Variants in VPS35 observed in about 807,000 individuals in gnomAD.
VPS35 encodes the protein VPS35 retromer complex component, also known as vacuolar protein sorting-associated protein 35.
Under a neutral mutation model 98.1 loss-of-function variants are expected in VPS35, and 21 were observed. The ratio of observed to expected loss-of-function variants is 0.21; its 90% CI spans 0.15 to 0.31. The LOEUF (loss-of-function observed/expected upper bound fraction) is 0.31. VPS35 is among the 10% of genes least tolerant of loss of function. The pLI is 1.00. For synonymous variants in VPS35, 268 were observed against 318.2 expected, an observed-to-expected ratio of 0.84 and a Z score of 1.68; for missense variants, 554 against 950.8, an observed-to-expected ratio of 0.58 and a Z score of 5.49.
In VPS35 at chr16:46,668,917, A is replaced by G; in HGVS notation, c.1647+13T>C. The G allele has an allele frequency of 6.2e-7, 1 of 1,614,048 alleles. No homozygotes were observed. Reference sequence around the variant, plus strand: ...AGGAAAAAAAGTACCTAAATACTTAAAAGTAAACTCACCACTTTAGAATTC... The same window carrying G: ...AGGAAAAAAAGTACCTAAATACTTAGAAGTAAACTCACCACTTTAGAATTC... On this transcript the variant is annotated intron_variant, in intron 13 of 16. Coordinates refer to ENST00000299138, the MANE Select transcript of VPS35 (RefSeq NM_018206.6).
intron 3 of VPS35, chr16:46,681,734 A>C: frequency 1.8e-6 from 1 of 563,314 alleles, no homozygotes; most frequent in Non-Finnish European, 3.2e-6. Flanking sequence ...CAGACTGCTA[A>C]TGGGTTTTGA....
At chr16:46,686,719 C>G (rs1168570414) in intron 1 of VPS35, among the ~76,000 whole-genome samples, 1 of 152,170 alleles carries the variant, frequency 6.6e-6, no homozygotes, top group Non-Finnish European at 1.5e-5. Flanking sequence ...TAAACACAAG[C>G]CAATTAACCA....
At chr16:46,666,735 T>G (rs1344992358) in intron 13 of VPS35, among the ~76,000 whole-genome samples, 1 of 152,248 alleles carries the variant, frequency 6.6e-6, no homozygotes, top group Admixed American at 6.5e-5. Context: ...TTGTCATAAA[T>G]GGCAAGATTT....
At chr16:46,672,562 C>T (rs1464423349) in intron 10 of VPS35, 90 bp from the exon 11 acceptor site, 11 of 1,138,436 alleles carry the variant, frequency 9.7e-6, no homozygotes, top group Non-Finnish European at 1.3e-5. Context: ...TGAAATTTTT[C>T]ATTACACATT....
At chr16:46,685,216 T>A (rs1431717325) in intron 1 of VPS35, among the ~76,000 whole-genome samples, 1 of 152,230 alleles carries the variant, frequency 6.6e-6, no homozygotes. Context: ...ACAAAATGCC[T>A]CTCACACAAT....
Position 46,656,918 on chromosome 16 carries a change from ATTGC to A in VPS35, c.*3550_*3553del, listed in dbSNP as rs1241334053. On this transcript the variant is annotated 3_prime_UTR_variant, in exon 17 of 17. Coordinates refer to ENST00000299138, the MANE Select transcript of VPS35 (RefSeq NM_018206.6). The stretch of plus-strand genomic sequence containing the variant: ...CTACTCGGGAGGCTGAGGCAGGAGA[ATTGC>A]TTGAACTGGGGAGGCGGAGGTTGCA... 6.6e-5 allele frequency: 10 copies of A among 152,414 alleles called. 1 individual carries two copies. The highest frequency in any genetic ancestry group is 1.9e-4 in the African/African-American group (8 of 41,450). The allele number at this position is 152,414 out of a possible 1,614,324, so 9.4% of individuals were successfully genotyped here.
At chr16:46,668,699 C>T (rs1476386302) in intron 13 of VPS35, among the ~76,000 whole-genome samples, 1 of 152,204 alleles carries the variant, frequency 6.6e-6, no homozygotes, top group Non-Finnish European at 1.5e-5. Flanking sequence ...TTTAATCTTG[C>T]ATTTCTAAGT....
Position 46,663,037 on chromosome 16 carries a change from A to G in VPS35, c.1773T>C (p.Ala591=). The change falls in exon 14 of 17, where the codon GCT becomes GCC. Residue 591 remains alanine, a synonymous_variant. Coordinates refer to ENST00000299138, the MANE Select transcript of VPS35 (RefSeq NM_018206.6). The part of the protein sequence containing the change: ...LRLFLQGALA[A]GEIGFENHET... ...CATGATTTTCAAAACCAATTTCCCCAGCAGCTAGTGCTCCTTGAAGAAAAA... is the reference window on the plus strand; with the variant it reads ...CATGATTTTCAAAACCAATTTCCCCGGCAGCTAGTGCTCCTTGAAGAAAAA... 1 of 1,614,244 alleles carries G rather than the reference A, an allele frequency of 6.2e-7. No individual in the cohort carries two copies. The highest frequency in any genetic ancestry group is 8.5e-7 in the Non-Finnish European group (1 of 1,180,040).
chr16:46,676,909 G>A (rs1966160216), intron 7 of VPS35, among the ~76,000 whole-genome samples: 1 of 151,964 alleles, frequency 6.6e-6, no homozygotes, highest in Non-Finnish European at 1.5e-5. Context: ...CAGAGACCTA[G>A]AAAACTCAGA....
At position 46,688,721 on chromosome 16, in the gene VPS35, G is replaced by C. The variant is rs1488815636; in HGVS notation, c.3+410C>G. 4 of 1,171,764 alleles carry C rather than the reference G, an allele frequency of 3.4e-6. 1 individual carries two copies. The South Asian group carries it at 6.8e-5, about 20-fold the overall frequency. The allele number at this position is 1,171,764 out of a possible 1,614,324, so 72.6% of individuals were successfully genotyped here. On this transcript the variant is annotated intron_variant, in intron 1 of 16. Transcript: ENST00000299138. Reference sequence around the variant, plus strand: ...CACAAAGGTAGAAACGCAACATCTGGGCGGGTCCCGGCGCCACCTCCGAGT... The same window carrying C: ...CACAAAGGTAGAAACGCAACATCTGCGCGGGTCCCGGCGCCACCTCCGAGT...
At chr16:46,684,167 G>T (rs979432851) in intron 1 of VPS35, among the ~76,000 whole-genome samples, 2 of 152,172 alleles carry the variant, frequency 1.3e-5, no homozygotes, top group African/African-American at 4.8e-5. Context: ...AAAGAAACTT[G>T]CAGTGGTAGT....
intron 1 of VPS35, among the ~76,000 whole-genome samples, chr16:46,686,967 C>T (rs1966326754): frequency 6.6e-6 from 1 of 152,238 alleles, no homozygotes; most frequent in Non-Finnish European, 1.5e-5. Flanking sequence ...AAACAATGTG[C>T]TTTTCTTTCC....
chr16:46,680,407 T>G (rs1213573100), intron 5 of VPS35, among the ~76,000 whole-genome samples: 3 of 152,232 alleles, frequency 2.0e-5, no homozygotes, highest in Admixed American at 1.3e-4. Context: ...AAAGAAGATT[T>G]AATGTAGTAG....
rs567800118 is a variant in VPS35, at chr16:46,664,530, T to C, written c.1648-1368A>G. On this transcript the variant is annotated intron_variant, in intron 13 of 16. Coordinates refer to ENST00000299138, the MANE Select transcript of VPS35 (RefSeq NM_018206.6). ...TCTAATTTTTCTTTTCTTTTCTTTTTTTTTTTTTGAGAAGTAGTTTCCCTC... is the reference window on the plus strand; with the variant it reads ...TCTAATTTTTCTTTTCTTTTCTTTTCTTTTTTTTGAGAAGTAGTTTCCCTC... Among the ~76,000 whole-genome samples, 84 of 151,974 alleles carry C rather than the reference T, an allele frequency of 5.5e-4. No homozygotes were observed. In the East Asian group the frequency reaches 7.2e-3, roughly 13 times the overall value.
chr16:46,673,000 CA>C (rs1372685002), intron 10 of VPS35, among the ~76,000 whole-genome samples: 1 of 152,086 alleles, frequency 6.6e-6, no homozygotes, highest in Non-Finnish European at 1.5e-5. Context: ...GATATTGAGG[CA>C]TATTGGGGCA....
At chr16:46,670,179 A>T (rs1353590511) in intron 12 of VPS35, among the ~76,000 whole-genome samples, 1 of 152,222 alleles carries the variant, frequency 6.6e-6, no homozygotes, top group African/African-American at 2.4e-5. Context: ...AATTCCTGAT[A>T]TGGTAGATGA....
intron 1 of VPS35, among the ~76,000 whole-genome samples, chr16:46,684,515 G>A (rs917305953): frequency 4.6e-5 from 7 of 152,176 alleles, no homozygotes; most frequent in East Asian, 1.9e-4. Flanking sequence ...AGCTACAGTG[G>A]ACAAAATATA....
At chr16:46,671,151 C>G (rs1966062883) in intron 12 of VPS35, among the ~76,000 whole-genome samples, 2 of 151,474 alleles carry the variant, frequency 1.3e-5, no homozygotes, top group Admixed American at 6.6e-5. Context: ...AAGAAAAAGG[C>G]AAAATGAATT....
chr16:46,682,651 GA>G (rs1393759326), intron 2 of VPS35: 2 of 157,678 alleles, frequency 1.3e-5, no homozygotes, highest in Admixed American at 1.2e-4. Flanking sequence ...ACTTAACTCA[GA>G]AATGCAAGCA....
Sources: gnomAD v4.1 joint callset for allele counts (sites outside exome capture counted in the v4.1 genomes callset) on GRCh38, gnomAD v4.1.1 for gene constraint, MANE v1.5 for transcripts, NCBI Gene and HGNC (gene_info 2026-07-23, HGNC 2026-07-21) for gene names.